PBK: variants seen among roughly 807,000 people sequenced by gnomAD.
The protein encoded by PBK is lymphokine-activated killer T-cell-originated protein kinase.
In PBK, 22 loss-of-function variants were observed where a neutral mutation model predicts 33.5. The observed-to-expected ratio is 0.66, with a 90% CI of 0.47 to 0.94. The LOEUF is 0.94. Ranked by LOEUF, PBK falls within the 40% of genes least tolerant of loss-of-function variation. The pLI is 0.00. For synonymous variants in PBK, 129 were observed against 123.8 expected (o/e 1.04, Z -0.28); for missense variants, 376 against 383.4 (o/e 0.98, Z 0.16).
chr8:27,824,697 C>G (rs1805993742), intron 3 of PBK, among the ~76,000 whole-genome samples: 1 of 152,148 alleles, frequency 6.6e-6, no homozygotes, highest in Non-Finnish European at 1.5e-5. Context: ...CTTATACAAA[C>G]TGTTTCCCCA....
At chr8:27,824,621 G>A (rs540895495) in intron 3 of PBK, among the ~76,000 whole-genome samples, 1 of 152,218 alleles carries the variant, frequency 6.6e-6, no homozygotes, top group African/African-American at 2.4e-5. Context: ...GTTCCTACTA[G>A]AAATACAAAG....
At chr8:27,817,593 C>T (rs1460354029) in intron 6 of PBK, among the ~76,000 whole-genome samples, 3 of 150,542 alleles carry the variant, frequency 2.0e-5, no homozygotes, top group Non-Finnish European at 3.0e-5. Context: ...GAAACTTTTG[C>T]GCAATGAAGT....
chr8:27,832,876 C>T lies in PBK; in HGVS notation c.58+180G>A, dbSNP rs76708637. On this transcript the variant is annotated intron_variant, in intron 2 of 7. Coordinates refer to ENST00000301905, the MANE Select transcript of PBK (RefSeq NM_018492.4). ...TGTTAGATTGTCAATAAAATTAGTC[C>T]AGAGATGATCAAACCGTGGCCTATA... Among the ~76,000 whole-genome samples, 1,072 of 152,112 alleles carry T rather than the reference C, an allele frequency of 7.0e-3. 7 individuals carry two copies. Among genetic ancestry groups the T allele is most frequent in the African/African-American group, 0.024 (1,012 of 41,494 alleles).
chr8:27,827,696 T>A (rs1007749168), intron 3 of PBK, among the ~76,000 whole-genome samples: 2 of 152,222 alleles, frequency 1.3e-5, no homozygotes, highest in Non-Finnish European at 2.9e-5. Flanking sequence ...ATCTTTTACT[T>A]CTTTTAGAAG....
chr8:27,831,531 T>TCATTGACATTTGTAGAA (rs1298177244), intron 2 of PBK, among the ~76,000 whole-genome samples: 1 of 109,138 alleles, frequency 9.2e-6, no homozygotes. Context: ...ATACAGAATA[T>TCATTGACATTTGTAGAA]CATTGACATT....
chr8:27,820,608 G>C lies in PBK; in HGVS notation c.552C>G (p.Ile184Met), dbSNP rs750962230. The C allele has an allele frequency of 6.4e-7, 1 of 1,573,086 alleles. No homozygotes were observed. The highest frequency in any genetic ancestry group is 1.7e-5 in the Admixed American group (1 of 59,440). Residue 184 changes from isoleucine to methionine, a missense_variant, in exon 6 of 8, where the codon ATC becomes ATG. By Grantham distance (10) the Ile-to-Met change is conservative. Coordinates refer to ENST00000301905, the MANE Select transcript of PBK (RefSeq NM_018492.4). ...GTGGTAGAGAGACTCCTACATCACA[G>C]ATTTTAATTGTTTCAAAATCGCCTT... Reference protein sequence around the residue: ...VIKGDFETIKICDVGVSLPLD... With the variant: ...VIKGDFETIKMCDVGVSLPLD...
chr8:27,828,693 G>A (rs1320128201), intron 2 of PBK, among the ~76,000 whole-genome samples: 1 of 148,398 alleles, frequency 6.7e-6, no homozygotes, highest in Non-Finnish European at 1.5e-5. Flanking sequence ...GGTTAAGGGT[G>A]CAGGTGCAGT....
In PBK at chr8:27,816,408, T is replaced by C. The variant is rs1805816271; in HGVS notation, c.595+4157A>G. On this transcript the variant is annotated intron_variant, in intron 6 of 7. Transcript: ENST00000301905. Reference sequence around the variant, plus strand: ...ATTTATTTTTTTTTGAGATGGAATCTCGCTGTCGCCCAGACTGGAGTACAG... The same window carrying C: ...ATTTATTTTTTTTTGAGATGGAATCCCGCTGTCGCCCAGACTGGAGTACAG... Among the ~76,000 whole-genome samples, 4 of 150,614 alleles carry C rather than the reference T, an allele frequency of 2.7e-5. No individual in the cohort carries two copies. In the South Asian group the frequency reaches 8.4e-4, roughly 32 times the overall value.
Position 27,822,367 on chromosome 8 carries a change from T to C in PBK, c.417A>G (p.Pro139=). 1 of 1,613,412 alleles carries C rather than the reference T, an allele frequency of 6.2e-7. No homozygotes were observed. The highest frequency in any genetic ancestry group is 8.5e-7 in the Non-Finnish European group (1 of 1,179,750). ...AAGCAACTTTTAAAATTATGGCTGC[T>C]GGAAAAGGATCTTGGCTGGCTTTAT... ...ERYKASQDPF[P]AAIILKVALN... Residue 139 remains proline, a synonymous_variant, in exon 5 of 8, where the codon CCA becomes CCG. Coordinates refer to ENST00000301905, the MANE Select transcript of PBK (RefSeq NM_018492.4).
chr8:27,822,996 G>A, intron 4 of PBK, 67 bp downstream of exon 4: 1 of 969,044 alleles, frequency 1.0e-6, no homozygotes. Flanking sequence ...CCAGTTAAGA[G>A]AGCATATAAG....
Position 27,823,216 on chromosome 8 carries a change from A to C in PBK, c.153-11T>G, listed in dbSNP as rs1395441583. 1.4e-6 allele frequency: 2 copies of C among 1,478,702 alleles called. No homozygotes were observed. Among genetic ancestry groups the C allele is most frequent in the Non-Finnish European group, 9.2e-7 (1 of 1,086,230 alleles). 91.6% of individuals were successfully genotyped at this position (1,478,702 alleles called of 1,614,324 possible). On this transcript the variant is annotated splice_polypyrimidine_tract_variant and intron_variant, in intron 3 of 7. Transcript: ENST00000301905. ...AAACCTCTTGGAGATCTAAGAAAAAAATTCATTTAAAAAGGATAGAAAACA... is the reference window on the plus strand; with the variant it reads ...AAACCTCTTGGAGATCTAAGAAAAACATTCATTTAAAAAGGATAGAAAACA...
intron 1 of PBK, among the ~76,000 whole-genome samples, chr8:27,835,324 A>G (rs966400821): frequency 3.9e-5 from 6 of 152,164 alleles, no homozygotes; most frequent in Non-Finnish European, 8.8e-5. Flanking sequence ...GTTTGTCAAG[A>G]GTATAATAAT....
In PBK at chr8:27,811,028, G is replaced by A; in HGVS notation, c.702C>T (p.Gly234=). The A allele has an allele frequency of 1.9e-6, 3 of 1,612,570 alleles. No homozygotes were observed. In the South Asian group the frequency reaches 3.3e-5, roughly 18 times the overall value. The change falls in exon 7 of 8, where the codon GGC becomes GGT. Residue 234 remains glycine (G), a synonymous_variant. Transcript: ENST00000301905. ...ITDKADIFAF[G]LTLWEMMTLS... ...AAGTCATCATTTCCCACAAAGTAAG[G>A]CCAAAGGCAAATATGTCTGCCTTGT...
chr8:27,815,887 G>T (rs17057911), intron 6 of PBK, among the ~76,000 whole-genome samples: 1 of 152,062 alleles, frequency 6.6e-6, no homozygotes, highest in African/African-American at 2.4e-5. Context: ...AAGATGGATT[G>T]TTCTGACAAC....
In PBK at chr8:27,811,328, G is replaced by T. The variant is rs1277075480; in HGVS notation, c.596-194C>A. 5 of 609,364 alleles carry T rather than the reference G, an allele frequency of 8.2e-6. No homozygotes were observed. The East Asian group carries it at 1.1e-4, about 13-fold the overall frequency. The allele number at this position is 609,364 out of a possible 1,614,324, so 37.7% of individuals were successfully genotyped here. A position where few individuals can be genotyped will look rare whatever the true frequency, so the allele number is the denominator to read the frequency against. On this transcript the variant is annotated intron_variant, in intron 6 of 7. Coordinates refer to ENST00000301905, the MANE Select transcript of PBK (RefSeq NM_018492.4). ...AGGTTGGTAAATATTCAAGAAGCTG[G>T]TCAGTTGGCAGGTATGTAGAGAAAC... is the stretch of plus-strand genomic sequence containing the variant.
intron 3 of PBK, among the ~76,000 whole-genome samples, chr8:27,826,186 A>G (rs1806021912): frequency 6.6e-6 from 1 of 152,234 alleles, no homozygotes; most frequent in Admixed American, 6.5e-5. Context: ...AATGTCAGTG[A>G]CTGATATTCT....
In PBK at chr8:27,810,132, C is replaced by T. The variant is rs182928344; in HGVS notation, c.*173G>A. The T allele has an allele frequency of 3.9e-3, 2,286 of 582,118 alleles. 5 individuals carry two copies. The highest frequency in any genetic ancestry group is 5.8e-3 in the Non-Finnish European group (1,923 of 333,366). The allele number at this position is 582,118 out of a possible 1,614,324, so 36.1% of individuals were successfully genotyped here. On this transcript the variant is annotated 3_prime_UTR_variant, in exon 8 of 8. Coordinates refer to ENST00000301905, the MANE Select transcript of PBK (RefSeq NM_018492.4). ...AGAAAACCCAGTACAATTCCAAGTG[C>T]TTATAGCCAATATAAGCATATTTCA...
intron 6 of PBK, among the ~76,000 whole-genome samples, chr8:27,818,794 G>C (rs1249778360): frequency 1.3e-5 from 2 of 151,626 alleles, no homozygotes; most frequent in Non-Finnish European, 2.9e-5. Flanking sequence ...TCTAGCTTTG[G>C]TGTCTTCTTT....
chr8:27,833,762 A>G (rs1463226933), intron 1 of PBK, among the ~76,000 whole-genome samples: 2 of 152,030 alleles, frequency 1.3e-5, no homozygotes, highest in African/African-American at 2.4e-5. Flanking sequence ...TCTCCCTGTT[A>G]TACTTCCCAG....
Sources: gnomAD v4.1 joint callset for allele counts (sites outside exome capture counted in the v4.1 genomes callset) on GRCh38, gnomAD v4.1.1 for gene constraint, MANE v1.5 for transcripts, NCBI Gene and HGNC (gene_info 2026-07-23, HGNC 2026-07-21) for gene names.